SLC2A9: variants seen among roughly 807,000 people sequenced by gnomAD.
The protein encoded by SLC2A9 is solute carrier family 2 member 9.
SLC2A9 carries 39 observed loss-of-function variants against 50.6 expected under a neutral mutation model. The ratio of observed to expected loss-of-function variants is 0.77; its 90% confidence interval spans 0.60 to 1.01. The LOEUF is 1.01. Ranked by LOEUF, SLC2A9 falls within the 50% of genes least tolerant of loss-of-function variation. SLC2A9 has a pLI of 0.00. For missense variants in SLC2A9, 686 were observed against 677.6 expected, an observed-to-expected ratio of 1.01 and a Z score of -0.14; for synonymous variants, 324 against 276.9, an observed-to-expected ratio of 1.17 and a Z score of -1.69.
intron 2 of SLC2A9, among the ~76,000 whole-genome samples, chr4:10,009,890 T>C (rs2109418867): frequency 6.6e-6 from 1 of 152,352 alleles, no homozygotes. Context: ...GTAAATCTTA[T>C]ATACACAGTA....
chr4:9,956,615 T>A (rs748946489), intron 5 of SLC2A9, among the ~76,000 whole-genome samples: 93 of 152,238 alleles, frequency 6.1e-4, no homozygotes, highest in Non-Finnish European at 1.2e-3. Flanking sequence ...GGCTGGGTGC[T>A]ATTTGAGTCT....
intron 1 of SLC2A9, among the ~76,000 whole-genome samples, chr4:10,027,449 A>G (rs1303770361): frequency 6.6e-6 from 1 of 152,136 alleles, no homozygotes; most frequent in Non-Finnish European, 1.5e-5. Context: ...TCACTTCCCC[A>G]GCTTCCATTC....
chr4:9,959,607 C>T (rs915534613), intron 5 of SLC2A9, among the ~76,000 whole-genome samples: 1 of 152,146 alleles, frequency 6.6e-6, no homozygotes, highest in Non-Finnish European at 1.5e-5. Context: ...GACGATGGAC[C>T]TCTGTGTGTC....
At chr4:9,857,532 C>T (rs545660436) in intron 10 of SLC2A9, among the ~76,000 whole-genome samples, 1 of 152,206 alleles carries the variant, frequency 6.6e-6, no homozygotes, top group Non-Finnish European at 1.5e-5. Context: ...GCATCCCTGG[C>T]AGAGGCTTTT....
chr4:9,990,854 C>T (rs774352147), intron 3 of SLC2A9, among the ~76,000 whole-genome samples: 58 of 152,188 alleles, frequency 3.8e-4, no homozygotes, highest in Non-Finnish European at 7.1e-4. Context: ...GCTTAGAAGA[C>T]TAGTCAAGTC....
chr4:9,906,088 T>C (rs1333861977), intron 8 of SLC2A9, among the ~76,000 whole-genome samples: 11 of 152,228 alleles, frequency 7.2e-5, no homozygotes, highest in Non-Finnish European at 1.5e-5. Flanking sequence ...GTATACCATT[T>C]GCCAGCCACT....
chr4:9,776,422 C>T (rs1195351459), downstream of SLC2A9, among the ~76,000 whole-genome samples: 3 of 151,956 alleles, frequency 2.0e-5, no homozygotes, highest in African/African-American at 7.3e-5. Context: ...TATTTTCCTG[C>T]CACTGCCCTG....
At chr4:9,980,270 T>A (rs1416309864) in intron 5 of SLC2A9, among the ~76,000 whole-genome samples, 1 of 152,144 alleles carries the variant, frequency 6.6e-6, no homozygotes, top group East Asian at 1.9e-4. Context: ...CATAATTCCA[T>A]CAAAGCCACA....
chr4:9,893,433 T>C (rs563487532), intron 8 of SLC2A9, among the ~76,000 whole-genome samples: 3 of 151,948 alleles, frequency 2.0e-5, no homozygotes, highest in African/African-American at 7.2e-5. Context: ...GGTTCAAGAA[T>C]ACTGAGGGAC....
chr4:10,018,112 A>G lies in SLC2A9; in HGVS notation c.249+863T>C, dbSNP rs371398011. On this transcript the variant is annotated intron_variant, in intron 2 of 11. Coordinates refer to ENST00000264784, the MANE Select transcript of SLC2A9 (RefSeq NM_020041.3). ...TTACAGCCTAGGTAGGCAGTACCCA[A>G]CCTTTAACTGCAAACCAGAGGCACA... 3.2e-4 allele frequency among the ~76,000 whole-genome samples: 48 copies of G among 152,278 alleles called. No individual in the cohort carries two copies. In the Middle Eastern group the frequency reaches 0.017, roughly 54 times the overall value.
Position 9,779,929 on chromosome 4 carries a change from G to A in SLC2A9, n.522C>T, listed in dbSNP as rs557963887. 3.9e-5 allele frequency: 6 copies of A among 152,350 alleles called. No homozygotes were observed. In the South Asian group the frequency reaches 6.2e-4, roughly 16 times the overall value. The allele number at this position is 152,350 out of a possible 1,614,324, so 9.4% of individuals were successfully genotyped here. On this transcript the variant is annotated non_coding_transcript_exon_variant, in exon 4 of 4. Transcript: ENST00000503803. ...GACTTGGTGTTCTCCAGGAGAAGAA[G>A]ATAGGGGAAGGTCATTCCAGGTTGA...
intron 3 of SLC2A9, among the ~76,000 whole-genome samples, chr4:9,814,781 T>C (rs1467941380): frequency 6.6e-6 from 1 of 152,048 alleles, no homozygotes; most frequent in African/African-American, 2.4e-5. Context: ...CTTCTGCTTG[T>C]ATCGCATTTT....
In SLC2A9 at chr4:9,996,570, G is replaced by A. The variant is rs558711638; in HGVS notation, c.410+211C>T. On this transcript the variant is annotated intron_variant, in intron 3 of 11. Transcript: ENST00000264784. The stretch of plus-strand genomic sequence containing the variant: ...CTCTGACACAGCCCAGTCCCTATAC[G>A]CTTCTGCTGCTGCTCATCAGCCTGC... Among the ~76,000 whole-genome samples, 358 of 143,212 alleles carry A rather than the reference G, an allele frequency of 2.5e-3. 1 individual carries two copies. The highest frequency in any genetic ancestry group is 3.2e-3 in the Admixed American group (45 of 13,992). The allele number at this position is 143,212 out of a possible 152,430, so 94.0% of individuals were successfully genotyped here. A position where few individuals can be genotyped will look rare whatever the true frequency, so the allele number is the denominator to read the frequency against.
At chr4:10,014,005 T>A (rs1560489879) in intron 2 of SLC2A9, among the ~76,000 whole-genome samples, 2 of 152,128 alleles carry the variant, frequency 1.3e-5, no homozygotes, top group Non-Finnish European at 2.9e-5. Flanking sequence ...AGCACTAATA[T>A]CTGCACCTCT....
At chr4:9,786,056 G>A (rs1236376156) in intron 3 of SLC2A9, among the ~76,000 whole-genome samples, 1 of 152,180 alleles carries the variant, frequency 6.6e-6, no homozygotes, top group Admixed American at 6.5e-5. Flanking sequence ...CTTGGAAATG[G>A]GATTGTTCCT....
intron 2 of SLC2A9, among the ~76,000 whole-genome samples, chr4:10,004,357 T>C (rs1760394665): frequency 2.0e-5 from 3 of 152,138 alleles, no homozygotes; most frequent in African/African-American, 4.8e-5. Flanking sequence ...CAGGCCACCT[T>C]ACCCAGTTCC....
chr4:9,843,545 G>A (rs1000482804), intron 10 of SLC2A9, among the ~76,000 whole-genome samples: 1 of 152,092 alleles, frequency 6.6e-6, no homozygotes. Context: ...CATGCTGCTT[G>A]AATCAGACCA....
chr4:9,954,419 A>G (rs1379758375), intron 5 of SLC2A9, among the ~76,000 whole-genome samples: 1 of 152,242 alleles, frequency 6.6e-6, no homozygotes, highest in East Asian at 1.9e-4. Context: ...GGGCTACATA[A>G]AGAAGTCTTT....
rs74614324 is a variant in SLC2A9 at position 9,977,337 on chromosome 4, G to A, written c.681+3255C>T. Among the ~76,000 whole-genome samples, 1,433 of 152,182 alleles carry A rather than the reference G, an allele frequency of 9.4e-3. 27 individuals are homozygous for A. The highest frequency in any genetic ancestry group is 0.033 in the African/African-American group (1,382 of 41,494). ...ACAAATTATGAAATATGACAAATCT[G>A]GATTTGTAATGTCTCTTGAAAATCA... On this transcript the variant is annotated intron_variant, in intron 5 of 11. Transcript: ENST00000264784.
Sources: gnomAD v4.1 joint callset for allele counts (sites outside exome capture counted in the v4.1 genomes callset) on GRCh38, gnomAD v4.1.1 for gene constraint, MANE v1.5 for transcripts, NCBI Gene and HGNC (gene_info 2026-07-23, HGNC 2026-07-21) for gene names.